GPC6: variants seen among roughly 807,000 people sequenced by gnomAD.
The protein encoded by GPC6 is glypican 6.
GPC6 carries 14 observed loss-of-function variants against 55.2 expected under a neutral mutation model. The ratio of observed to expected loss-of-function variants is 0.25; its 90% CI spans 0.17 to 0.40. The LOEUF (loss-of-function observed/expected upper bound fraction) is 0.40, where lower values mean the gene tolerates loss of function less well. Among genes scored for constraint, GPC6 ranks in the 10% least tolerant of loss-of-function variants. The probability of loss-of-function intolerance (pLI) is 1.00; values close to 1 mark genes in which losing one functional copy is unlikely to be tolerated. For missense variants in GPC6, 641 were observed against 708.5 expected (o/e 0.90, Z 1.08); for synonymous variants, 278 against 259.6 (o/e 1.07, Z -0.68).
chr13:93,387,431 T>C (rs1463618572), intron 1 of GPC6, among the ~76,000 whole-genome samples: 1 of 152,176 alleles, frequency 6.6e-6, no homozygotes, highest in Admixed American at 6.5e-5. Flanking sequence ...CAGTATTTGG[T>C]TTTCTGTTCC....
intron 3 of GPC6, among the ~76,000 whole-genome samples, chr13:93,902,659 T>A (rs1328733865): frequency 6.6e-6 from 1 of 152,198 alleles, no homozygotes; most frequent in African/African-American, 2.4e-5. Context: ...TGTACTAATT[T>A]ATATTCCCGC....
At chr13:93,515,655 A>G (rs1377202879) in intron 1 of GPC6, among the ~76,000 whole-genome samples, 1 of 152,176 alleles carries the variant, frequency 6.6e-6, no homozygotes, top group Non-Finnish European at 1.5e-5. Flanking sequence ...TAAAATTCCA[A>G]AGGCAAAATA....
chr13:93,545,182 C>T, intron 1 of GPC6, 81 bp from the exon 2 acceptor site: 1 of 1,228,120 alleles, frequency 8.1e-7, no homozygotes, highest in Non-Finnish European at 1.2e-6. Flanking sequence ...GAGATTTGAG[C>T]AAAGTGTTAG....
chr13:94,304,647 T>C (rs1210189638), intron 5 of GPC6, among the ~76,000 whole-genome samples: 1 of 152,180 alleles, frequency 6.6e-6, no homozygotes, highest in Non-Finnish European at 1.5e-5. Context: ...TTTCCTGTAG[T>C]TCTAGTAAAG....
chr13:93,741,323 G>A (rs1027840884), intron 2 of GPC6, among the ~76,000 whole-genome samples: 1 of 151,812 alleles, frequency 6.6e-6, no homozygotes, highest in Non-Finnish European at 1.5e-5. Flanking sequence ...CACTGTGTTA[G>A]CCAGGATGGT....
intron 2 of GPC6, among the ~76,000 whole-genome samples, chr13:93,574,045 A>G (rs554164411): frequency 1.4e-4 from 21 of 152,234 alleles, no homozygotes; most frequent in African/African-American, 4.8e-4. Flanking sequence ...GCATATGTTC[A>G]AGTATCCTAC....
At chr13:93,593,616 C>G (rs746067149) in intron 2 of GPC6, among the ~76,000 whole-genome samples, 6 of 152,008 alleles carry the variant, frequency 3.9e-5, no homozygotes, top group Non-Finnish European at 7.4e-5. Flanking sequence ...TTGCTTATTT[C>G]TGGAAACATT....
chr13:93,682,419 G>A (rs1052366558), intron 2 of GPC6, among the ~76,000 whole-genome samples: 4 of 152,084 alleles, frequency 2.6e-5, no homozygotes, highest in African/African-American at 9.7e-5. Context: ...ACCAGTCTCT[G>A]GACATAGCTG....
At chr13:93,231,219 G>A (rs1875990849) in intron 1 of GPC6, among the ~76,000 whole-genome samples, 1 of 149,508 alleles carries the variant, frequency 6.7e-6, no homozygotes, top group Non-Finnish European at 1.5e-5. Context: ...CTGACTCCAG[G>A]GTCTATATAC....
chr13:93,303,349 T>C (rs977298660), intron 1 of GPC6, among the ~76,000 whole-genome samples: 1 of 152,222 alleles, frequency 6.6e-6, no homozygotes, highest in Non-Finnish European at 1.5e-5. Context: ...ACCTATCTCA[T>C]GATTGTTGGG....
In GPC6 at chr13:93,999,542, C is replaced by T. The variant is rs372600877; in HGVS notation, c.712-28187C>T. On this transcript the variant is annotated intron_variant, in intron 3 of 8. Coordinates refer to ENST00000377047, the MANE Select transcript of GPC6 (RefSeq NM_005708.5). The stretch of plus-strand genomic sequence containing the variant: ...TGATTTCATACATAAGTGAGATCAC[C>T]GGTATTAGTCTTTTGTGCCTGGGTT... Among the ~76,000 whole-genome samples, 11 of 152,220 alleles carry T rather than the reference C, an allele frequency of 7.2e-5. No homozygotes were observed. In the South Asian group the frequency reaches 1.5e-3, roughly 20 times the overall value.
chr13:93,602,350 G>C, intron 2 of GPC6, among the ~76,000 whole-genome samples: 1 of 152,230 alleles, frequency 6.6e-6, no homozygotes, highest in Admixed American at 6.5e-5. Context: ...ATCCTTTTCT[G>C]AACTTTCATG....
chr13:93,752,972 C>A (rs16949187), intron 2 of GPC6, among the ~76,000 whole-genome samples: 1,575 of 152,278 alleles, frequency 0.01, 29 homozygotes, highest in African/African-American at 0.036. Context: ...TCCTTTCTTT[C>A]ATTCTCAGTC....
chr13:93,436,698 C>T (rs189120755), intron 1 of GPC6, among the ~76,000 whole-genome samples: 164 of 152,244 alleles, frequency 1.1e-3, no homozygotes, highest in Admixed American at 2.0e-3. Context: ...TGCACCCCTT[C>T]AAAAGGCTTG....
At chr13:93,619,111 A>T (rs753313866) in intron 2 of GPC6, among the ~76,000 whole-genome samples, 3 of 152,178 alleles carry the variant, frequency 2.0e-5, no homozygotes, top group African/African-American at 7.2e-5. Context: ...TCAATGACAG[A>T]AAAGTCATTA....
chr13:94,281,993 T>G (rs1267122140), intron 4 of GPC6, among the ~76,000 whole-genome samples: 1 of 152,262 alleles, frequency 6.6e-6, no homozygotes, highest in Non-Finnish European at 1.5e-5. Flanking sequence ...GCTAGAATTC[T>G]GAACATTTAG....
At chr13:94,397,997 C>CTTGG (rs1013534737) in intron 7 of GPC6, among the ~76,000 whole-genome samples, 4 of 152,126 alleles carry the variant, frequency 2.6e-5, no homozygotes, top group African/African-American at 9.7e-5. Flanking sequence ...CCCCCTTTTA[C>CTTGG]TTGGCACTTC....
intron 6 of GPC6, among the ~76,000 whole-genome samples, chr13:94,372,783 AGCAGTAACCTCT>A (rs903493600): frequency 3.2e-4 from 48 of 152,324 alleles, no homozygotes; most frequent in African/African-American, 1.1e-3. Flanking sequence ...ACAAAAAGAC[AGCAGTAACCTCT>A]GCAGACTTAA....
chr13:93,633,556 A>C (rs1027248190), intron 2 of GPC6, among the ~76,000 whole-genome samples: 2 of 151,986 alleles, frequency 1.3e-5, no homozygotes, highest in African/African-American at 4.8e-5. Context: ...GAATCACTTG[A>C]ACCCAGCAGG....
Sources: gnomAD v4.1 joint callset for allele counts (sites outside exome capture counted in the v4.1 genomes callset) on GRCh38, gnomAD v4.1.1 for gene constraint, MANE v1.5 for transcripts, NCBI Gene and HGNC (gene_info 2026-07-23, HGNC 2026-07-21) for gene names.